The following ZZZ3 variants were observed in gnomAD, a reference collection of about 807,000 sequenced individuals.
ZZZ3 encodes ZZ-type zinc finger-containing protein 3.
Under a neutral mutation model 95.2 loss-of-function variants are expected in ZZZ3, and 22 were observed. That is an observed-to-expected ratio of 0.23 (90% CI 0.17 to 0.33). ZZZ3 has a LOEUF of 0.33. Among genes scored for constraint, ZZZ3 ranks in the 10% least tolerant of loss-of-function variants. ZZZ3 has a pLI of 1.00. For missense variants in ZZZ3, 885 were observed against 1,066.5 expected, an observed-to-expected ratio of 0.83 and a Z score of 2.37; for synonymous variants, 335 against 358.9, an observed-to-expected ratio of 0.93 and a Z score of 0.75.
intron 5 of ZZZ3, among the ~76,000 whole-genome samples, chr1:77,586,225 A>G (rs530813745): frequency 3.9e-5 from 6 of 152,302 alleles, no homozygotes; most frequent in South Asian, 4.1e-4. Flanking sequence ...TCCTCTCTAT[A>G]TAATACTCTT....
intron 1 of ZZZ3, among the ~76,000 whole-genome samples, chr1:77,651,430 T>C (rs756301965): frequency 5.9e-5 from 9 of 152,174 alleles, no homozygotes; most frequent in Non-Finnish European, 1.0e-4. Flanking sequence ...GTGCAAATCT[T>C]TGTGACCTTG....
intron 5 of ZZZ3, among the ~76,000 whole-genome samples, chr1:77,631,120 T>C (rs1351453053): frequency 2.6e-5 from 4 of 152,154 alleles, no homozygotes; most frequent in Non-Finnish European, 1.5e-5. Flanking sequence ...TTATAGGAAA[T>C]CTAGGCAAGA....
chr1:77,630,021 A>T (rs985684557), intron 5 of ZZZ3, among the ~76,000 whole-genome samples: 1 of 152,226 alleles, frequency 6.6e-6, no homozygotes, highest in African/African-American at 2.4e-5. Context: ...TAGAAAAAAA[A>T]TTTCCACAAT....
Position 77,568,470 on chromosome 1 carries a change from T to TAAAA in ZZZ3, c.2332-5_2332-4insTTTT. ...TGATAGGAATACTTTCGTCATCCTATCAAAAAAAAAAAAAAAAAAAAATGT... is the reference window on the plus strand; with the variant it reads ...TGATAGGAATACTTTCGTCATCCTATAAAACAAAAAAAAAAAAAAAAAAAAATGT... On this transcript the variant is annotated splice_region_variant and splice_polypyrimidine_tract_variant and intron_variant, in intron 12 of 14. Transcript: ENST00000370801. 1 of 425,698 alleles carries TAAAA rather than the reference T, an allele frequency of 2.3e-6. No individual in the cohort carries two copies. Among genetic ancestry groups the TAAAA allele is most frequent in the Non-Finnish European group, 3.1e-6 (1 of 319,772 alleles). 26.4% of individuals were successfully genotyped at this position (425,698 alleles called of 1,614,324 possible).
intron 1 of ZZZ3, among the ~76,000 whole-genome samples, chr1:77,662,870 C>T (rs957955823): frequency 5.9e-5 from 9 of 152,038 alleles, no homozygotes; most frequent in Non-Finnish European, 1.2e-4. Context: ...TTTGGGAGGC[C>T]AAGGCAGGAG....
intron 1 of ZZZ3, among the ~76,000 whole-genome samples, chr1:77,664,290 A>C (rs893009345): frequency 6.6e-6 from 1 of 152,190 alleles, no homozygotes; most frequent in Non-Finnish European, 1.5e-5. Flanking sequence ...ATGGGGAGGG[A>C]AAGAAAGGAG....
chr1:77,670,911 A>G (rs947959833), intron 1 of ZZZ3, among the ~76,000 whole-genome samples: 1 of 152,078 alleles, frequency 6.6e-6, no homozygotes, highest in Non-Finnish European at 1.5e-5. Flanking sequence ...TGCATGGTAC[A>G]TACACACCTA....
chr1:77,624,964 A>C (rs773896942), intron 5 of ZZZ3, among the ~76,000 whole-genome samples: 16 of 152,198 alleles, frequency 1.1e-4, no homozygotes, highest in Non-Finnish European at 1.6e-4. Context: ...AACCACCACA[A>C]ATCTGGTCAC....
intron 10 of ZZZ3, 54 bp from the exon 11 acceptor site, chr1:77,578,923 G>A: frequency 1.7e-6 from 2 of 1,192,180 alleles, no homozygotes; most frequent in Non-Finnish European, 2.3e-6. Context: ...CAATACCTGA[G>A]TCGTTTTTAA....
intron 5 of ZZZ3, among the ~76,000 whole-genome samples, chr1:77,598,591 A>G (rs539982675): frequency 6.6e-6 from 1 of 152,276 alleles, no homozygotes; most frequent in Non-Finnish European, 1.5e-5. Context: ...AAATATCACA[A>G]TTTAAGAGAT....
chr1:77,634,029 G>A (rs1034931734), intron 4 of ZZZ3, among the ~76,000 whole-genome samples: 27 of 152,040 alleles, frequency 1.8e-4, no homozygotes, highest in African/African-American at 6.3e-4. Context: ...AATTAGCCAG[G>A]TGTGGTGGCA....
intron 12 of ZZZ3, among the ~76,000 whole-genome samples, chr1:77,569,072 T>C (rs1011269648): frequency 6.6e-6 from 1 of 152,176 alleles, no homozygotes; most frequent in Admixed American, 6.5e-5. Context: ...TGCAGTGGCT[T>C]ATACCTGTAA....
At chr1:77,616,603 G>A (rs1193788622) in intron 5 of ZZZ3, among the ~76,000 whole-genome samples, 1 of 152,164 alleles carries the variant, frequency 6.6e-6, no homozygotes, top group Non-Finnish European at 1.5e-5. Context: ...GGAGGCTCAC[G>A]CCTGTAATCC....
At position 77,576,101 on chromosome 1, in the gene ZZZ3, A is replaced by G. The variant is rs1661909456; in HGVS notation, c.2298T>C (p.His766=). ...MDEDDDRSCF[H]SHMNTAVEDA... is the part of the protein sequence containing the mutation. ...CTTCAACAGCAGTGTTCATGTGGCT[A>G]TGAAAACAAGATCGGTCATCATCTT... The change falls in exon 12 of 15, where the codon CAT becomes CAC. Residue 766 remains histidine (H), a synonymous_variant. Coordinates refer to ENST00000370801, the MANE Select transcript of ZZZ3 (RefSeq NM_015534.6). 1 of 1,611,408 alleles carries G rather than the reference A, an allele frequency of 6.2e-7. No individual in the cohort carries two copies. The highest frequency in any genetic ancestry group is 1.3e-5 in the African/African-American group (1 of 74,810).
chr1:77,593,441 C>T (rs1449172834), intron 5 of ZZZ3, among the ~76,000 whole-genome samples: 1 of 152,026 alleles, frequency 6.6e-6, no homozygotes, highest in African/African-American at 2.4e-5. Flanking sequence ...TGAACAGATA[C>T]AGTACGGTTC....
rs1349389770 is a variant in ZZZ3 at position 77,584,605 on chromosome 1, T to C, written c.1556A>G (p.Gln519Arg). The C allele has an allele frequency of 6.2e-7, 1 of 1,612,308 alleles. No homozygotes were observed. The highest frequency in any genetic ancestry group is 8.5e-7 in the Non-Finnish European group (1 of 1,179,374). ...TAAACTTTCAAGGTCTTGGACTGCT[T>C]GAGAACGCTGAGCCTCGAGTACAGC... ...TIAVLEAQRS[Q>R]AVQDLESLGR... The change falls in exon 6 of 15, where the codon CAA becomes CGA. Residue 519 changes from glutamine to arginine, a missense_variant. This residue lies in a region of ZZZ3 where 556 missense variants were observed against 652.9 expected (regional missense o/e 0.85). Coordinates refer to ENST00000370801, the MANE Select transcript of ZZZ3 (RefSeq NM_015534.6).
intron 1 of ZZZ3, among the ~76,000 whole-genome samples, chr1:77,654,297 T>C (rs1028431023): frequency 2.0e-5 from 3 of 151,844 alleles, no homozygotes; most frequent in African/African-American, 4.8e-5. Context: ...TTGATATACA[T>C]TTAAGGAAAA....
At chr1:77,607,334 A>G (rs1011864321) in intron 5 of ZZZ3, among the ~76,000 whole-genome samples, 2 of 152,130 alleles carry the variant, frequency 1.3e-5, no homozygotes, top group African/African-American at 4.8e-5. Flanking sequence ...AATTATCTCC[A>G]CCTGGCCCTG....
intron 9 of ZZZ3, chr1:77,580,238 A>G (rs938706267): frequency 6.6e-6 from 1 of 152,272 alleles, no homozygotes; most frequent in Non-Finnish European, 1.5e-5. Flanking sequence ...TAATAGCCAT[A>G]TGAGACAAAG....
Sources: gnomAD v4.1 joint callset for allele counts (sites outside exome capture counted in the v4.1 genomes callset) on GRCh38, gnomAD v4.1.1 for gene constraint, gnomAD v4.1.1 regional missense constraint, MANE v1.5 for transcripts, NCBI Gene and HGNC (gene_info 2026-07-23, HGNC 2026-07-21) for gene names.